Variants in TBC1D19 observed in about 807,000 individuals in gnomAD.
TBC1D19 encodes TBC1 domain family member 19, also known as TBC1 domain family, member 19.
Under a neutral mutation model 89.0 loss-of-function variants are expected in TBC1D19, and 60 were observed. The ratio of observed to expected loss-of-function variants is 0.67; its 90% CI spans 0.55 to 0.84. The LOEUF is 0.84. Among genes scored for constraint, TBC1D19 ranks in the 40% least tolerant of loss-of-function variants. TBC1D19 has a pLI of 0.00. For missense variants in TBC1D19, 500 were observed against 610.8 expected (o/e 0.82, Z 1.91); for synonymous variants, 189 against 199.7 (o/e 0.95, Z 0.45).
the TBC1D19 span, among the ~76,000 whole-genome samples, chr4:26,780,486 T>G: frequency 1.3e-5 from 2 of 152,192 alleles, no homozygotes; most frequent in African/African-American, 4.8e-5. Flanking sequence ...TCCTCCCTAC[T>G]AACAGCATCA....
the TBC1D19 span, among the ~76,000 whole-genome samples, chr4:26,832,262 C>T: frequency 6.6e-6 from 1 of 152,120 alleles, no homozygotes; most frequent in South Asian, 2.1e-4. Flanking sequence ...GCCCTAAGGC[C>T]TCACTCTGGG....
chr4:26,646,023 T>C (rs2109028632), intron 7 of TBC1D19, among the ~76,000 whole-genome samples: 1 of 147,028 alleles, frequency 6.8e-6, no homozygotes, highest in South Asian at 2.1e-4. Flanking sequence ...CTTGGGAGGC[T>C]GAGGCAGGAG....
intron 8 of TBC1D19, among the ~76,000 whole-genome samples, chr4:26,665,935 A>C (rs978284147): frequency 5.9e-5 from 9 of 152,090 alleles, no homozygotes; most frequent in Admixed American, 5.9e-4. Flanking sequence ...CTCATTGGTC[A>C]AAAGGCAAGA....
chr4:26,829,718 C>T, the TBC1D19 span, among the ~76,000 whole-genome samples: 37 of 152,310 alleles, frequency 2.4e-4, no homozygotes, highest in East Asian at 2.5e-3. Context: ...TTATTAGAGG[C>T]AGGTAAGGTT....
At chr4:26,733,347 A>G (rs1465363933) in intron 15 of TBC1D19, among the ~76,000 whole-genome samples, 7 of 152,238 alleles carry the variant, frequency 4.6e-5, no homozygotes, top group Admixed American at 2.0e-4. Flanking sequence ...CTATTTATTA[A>G]TGGCTGAGCC....
At chr4:26,656,629 G>A (rs1177617073) in intron 7 of TBC1D19, among the ~76,000 whole-genome samples, 1 of 151,754 alleles carries the variant, frequency 6.6e-6, no homozygotes, top group Non-Finnish European at 1.5e-5. Context: ...CACAATCTTG[G>A]CTCACTGTAA....
chr4:26,825,332 C>T, the TBC1D19 span, among the ~76,000 whole-genome samples: 15 of 152,142 alleles, frequency 9.9e-5, no homozygotes, highest in Non-Finnish European at 1.6e-4. Context: ...CTCTTGACCT[C>T]ATGATCCGCC....
chr4:26,660,427 A>G (rs1745149398), intron 8 of TBC1D19, among the ~76,000 whole-genome samples: 1 of 152,234 alleles, frequency 6.6e-6, no homozygotes, highest in African/African-American at 2.4e-5. Context: ...GAATGAGATT[A>G]AAGTATATTT....
chr4:26,817,402 G>T, the TBC1D19 span, among the ~76,000 whole-genome samples: 19 of 152,118 alleles, frequency 1.2e-4, no homozygotes, highest in Non-Finnish European at 2.5e-4. Context: ...CATTAGTGTT[G>T]TTTTCAGTTA....
chr4:26,584,954 T>G (rs925017891), intron 1 of TBC1D19: 3 of 195,036 alleles, frequency 1.5e-5, no homozygotes, highest in African/African-American at 2.4e-5. Flanking sequence ...GATTCATCCA[T>G]TTTGTTGATA....
At chr4:26,800,458 A>G in the TBC1D19 span, among the ~76,000 whole-genome samples, 1 of 152,218 alleles carries the variant, frequency 6.6e-6, no homozygotes, top group Non-Finnish European at 1.5e-5. Context: ...TAGTGCCGCA[A>G]TAAACATACG....
At chr4:26,788,156 A>G in the TBC1D19 span, among the ~76,000 whole-genome samples, 13 of 151,932 alleles carry the variant, frequency 8.6e-5, no homozygotes, top group Non-Finnish European at 1.8e-4. Flanking sequence ...CCAGGTGACT[A>G]TGGGATCCCA....
At position 26,740,100 on chromosome 4, in the gene TBC1D19, G is replaced by GTT. The variant is rs1297085758; in HGVS notation, c.1227+131_1227+132dup. 1.2e-4 allele frequency: 58 copies of GTT among 474,484 alleles called. No individual in the cohort carries two copies. The East Asian group carries it at 2.0e-3, about 16-fold the overall frequency. The allele number at this position is 474,484 out of a possible 1,614,324, so 29.4% of individuals were successfully genotyped here. ...TTTAATTTGTGATGTCAAGCAATGT[G>GTT]TTTTTATTGCAAAAATGACAGAGAA... is the stretch of plus-strand genomic sequence containing the variant. On this transcript the variant is annotated intron_variant, in intron 17 of 20. Transcript: ENST00000264866.
Position 26,613,415 on chromosome 4 carries a change from T to C in TBC1D19, c.172+174T>C, listed in dbSNP as rs1157066039. The stretch of plus-strand genomic sequence containing the variant: ...GGTTTTTGGTTTCTGTCTCTAGTGA[T>C]AAGCAGAAAAGAGAGATGAGGAAAG... On this transcript the variant is annotated intron_variant, in intron 2 of 20. Coordinates refer to ENST00000264866, the MANE Select transcript of TBC1D19 (RefSeq NM_018317.4). Among the ~76,000 whole-genome samples, 14 of 152,114 alleles carry C rather than the reference T, an allele frequency of 9.2e-5. No homozygotes were observed. The East Asian group carries it at 2.5e-3, about 27-fold the overall frequency.
intron 13 of TBC1D19, among the ~76,000 whole-genome samples, chr4:26,690,781 T>C (rs535412974): frequency 1.6e-4 from 24 of 152,360 alleles, no homozygotes; most frequent in Admixed American, 5.2e-4. Context: ...GATGCAGATG[T>C]ACAAGGAGAT....
chr4:26,626,821 TTTTTTATTTTTATTTTTATTTATTTTA>T (rs754673774), intron 4 of TBC1D19, among the ~76,000 whole-genome samples: 2 of 150,032 alleles, frequency 1.3e-5, no homozygotes, highest in African/African-American at 2.4e-5. Context: ...TCAAATTCTT[TTTTTTATTTTTATTTTTATTTATTTTA>T]TTTTTTATTT....
intron 11 of TBC1D19, 148 bp from the exon 12 acceptor site, chr4:26,683,527 A>T (rs578247474): frequency 3.8e-6 from 2 of 531,600 alleles, no homozygotes; most frequent in Non-Finnish European, 6.5e-6. Context: ...TTGAACATCT[A>T]CTATTAGTCA....
At chr4:26,857,053 T>C in the TBC1D19 span, among the ~76,000 whole-genome samples, 3 of 152,234 alleles carry the variant, frequency 2.0e-5, no homozygotes, top group African/African-American at 7.2e-5. Flanking sequence ...ACTACACCAC[T>C]TGAGGACTAT....
the TBC1D19 span, among the ~76,000 whole-genome samples, chr4:26,848,372 C>A: frequency 6.6e-6 from 1 of 152,184 alleles, no homozygotes; most frequent in Non-Finnish European, 1.5e-5. Flanking sequence ...AATCATGTAG[C>A]CAATTTCTTA....
Sources: allele counts gnomAD v4.1 joint callset (sites outside exome capture counted in the v4.1 genomes callset), GRCh38; gene constraint gnomAD v4.1.1; transcripts MANE v1.5; gene names NCBI Gene and HGNC (gene_info 2026-07-23, HGNC 2026-07-21).